PTPRD: variants seen among roughly 807,000 people sequenced by gnomAD.
The protein encoded by PTPRD is receptor-type tyrosine-protein phosphatase delta.
A neutral mutation model predicts 214.5 loss-of-function variants in PTPRD; 34 were observed. The observed-to-expected ratio is 0.16, with a 90% CI of 0.12 to 0.21. The LOEUF (loss-of-function observed/expected upper bound fraction) is 0.21, where lower values mean the gene tolerates loss of function less well. Among genes scored for constraint, PTPRD ranks in the 10% least tolerant of loss-of-function variants. The probability of loss-of-function intolerance (pLI) is 1.00; values close to 1 mark genes in which losing one functional copy is unlikely to be tolerated. For synonymous variants in PTPRD, 1,128 were observed against 845.7 expected (o/e 1.33, Z -5.79); for missense variants, 2,545 against 2,398.7 (o/e 1.06, Z -1.27).
intron 2 of PTPRD, among the ~76,000 whole-genome samples, chr9:10,366,946 G>A (rs114143404): frequency 6.6e-6 from 1 of 152,004 alleles, no homozygotes; most frequent in Non-Finnish European, 1.5e-5. Context: ...GAAGTTTCTT[G>A]GCTTTATTTC....
intron 7 of PTPRD, among the ~76,000 whole-genome samples, chr9:9,623,702 T>A (rs1466299496): frequency 1.3e-5 from 2 of 152,204 alleles, no homozygotes; most frequent in Non-Finnish European, 2.9e-5. Flanking sequence ...CAAATCCAAA[T>A]TCCTGGGTTC....
intron 4 of PTPRD, among the ~76,000 whole-genome samples, chr9:9,977,669 C>T (rs1419381400): frequency 2.0e-5 from 3 of 151,936 alleles, no homozygotes; most frequent in African/African-American, 4.8e-5. Flanking sequence ...TATCAATTCG[C>T]GTTTGATGAT....
chr9:9,968,029 G>C (rs111423301), intron 4 of PTPRD, among the ~76,000 whole-genome samples: 5,276 of 152,204 alleles, frequency 0.035, 307 homozygotes, highest in African/African-American at 0.12. Flanking sequence ...TGATAAAAAT[G>C]TTCTCTCACG....
chr9:9,576,129 TGTG>T (rs748952520), intron 7 of PTPRD, among the ~76,000 whole-genome samples: 3 of 152,174 alleles, frequency 2.0e-5, no homozygotes, highest in African/African-American at 4.8e-5. Context: ...TTTGGGAGAC[TGTG>T]TTTTTCTCAG....
intron 2 of PTPRD, among the ~76,000 whole-genome samples, chr9:10,561,295 AAGCACTT>A (rs1203641603): frequency 6.6e-6 from 1 of 152,188 alleles, no homozygotes. Context: ...AGAAGACCTG[AAGCACTT>A]ATTTAACAAG....
chr9:9,069,465 G>T (rs955941089), intron 10 of PTPRD, among the ~76,000 whole-genome samples: 1 of 152,176 alleles, frequency 6.6e-6, no homozygotes, highest in African/African-American at 2.4e-5. Flanking sequence ...AAAGTGAAAG[G>T]ACTGTAAACT....
At chr9:10,203,169 C>CTCT (rs1394346942) in intron 3 of PTPRD, among the ~76,000 whole-genome samples, 1 of 119,920 alleles carries the variant, frequency 8.3e-6, no homozygotes, top group Admixed American at 8.5e-5. Flanking sequence ...CCCTCTCTCT[C>CTCT]TTTTTTTTTT....
chr9:10,009,497 A>G (rs1288016580), intron 4 of PTPRD, among the ~76,000 whole-genome samples: 3 of 152,012 alleles, frequency 2.0e-5, no homozygotes, highest in Admixed American at 1.3e-4. Flanking sequence ...GTAATTATCT[A>G]TACACCTAGA....
At position 10,477,447 on chromosome 9, in the gene PTPRD, G is replaced by C. The variant is rs143824165; in HGVS notation, c.-600+134951C>G. Among the ~76,000 whole-genome samples the C allele has an allele frequency of 8.8e-3, 1,345 of 152,236 alleles. 22 individuals carry two copies. Among genetic ancestry groups the C allele is most frequent in the African/African-American group, 0.029 (1,189 of 41,548 alleles). On this transcript the variant is annotated intron_variant, in intron 2 of 45. Transcript: ENST00000381196. ...CACAATGAGATACCATCTCAAGCCA[G>C]TTAGAATGGTGATCATTAAAAAGTC...
chr9:8,713,421 T>G, intron 12 of PTPRD: 1 of 1,097,248 alleles, frequency 9.1e-7, no homozygotes, highest in East Asian at 2.4e-5. Context: ...CACCTAATCG[T>G]GTCGTCGCCA....
intron 8 of PTPRD, among the ~76,000 whole-genome samples, chr9:9,408,793 C>T (rs181260195): frequency 7.6e-4 from 116 of 151,842 alleles, no homozygotes; most frequent in Non-Finnish European, 1.4e-3. Context: ...GAACATAAAA[C>T]ATCCCTCATA....
At chr9:9,329,737 C>T (rs2041595329) in intron 9 of PTPRD, among the ~76,000 whole-genome samples, 1 of 152,190 alleles carries the variant, frequency 6.6e-6, no homozygotes, top group Non-Finnish European at 1.5e-5. Flanking sequence ...AGGTTTGGTT[C>T]TTCACAGCTG....
intron 8 of PTPRD, among the ~76,000 whole-genome samples, chr9:9,557,246 A>T (rs1268207731): frequency 6.6e-6 from 1 of 152,166 alleles, no homozygotes; most frequent in Non-Finnish European, 1.5e-5. Context: ...GGGTGTCCAG[A>T]CATACCTAAA....
intron 9 of PTPRD, among the ~76,000 whole-genome samples, chr9:9,330,660 A>G (rs2041968021): frequency 6.6e-6 from 1 of 152,050 alleles, no homozygotes; most frequent in Admixed American, 6.6e-5. Context: ...AATTTTGACA[A>G]AGAGTTAATT....
At chr9:9,588,816 G>C (rs1442560508) in intron 7 of PTPRD, among the ~76,000 whole-genome samples, 2 of 151,818 alleles carry the variant, frequency 1.3e-5, no homozygotes, top group Non-Finnish European at 2.9e-5. Context: ...AGTATAATGA[G>C]GAATTATTAA....
chr9:8,805,587 T>G (rs2096659927), intron 11 of PTPRD, among the ~76,000 whole-genome samples: 1 of 151,786 alleles, frequency 6.6e-6, no homozygotes, highest in African/African-American at 2.4e-5. Flanking sequence ...AGCTTACAAT[T>G]TTTATTTTTT....
intron 2 of PTPRD, among the ~76,000 whole-genome samples, chr9:10,442,023 G>A (rs961857481): frequency 2.0e-5 from 3 of 151,368 alleles, no homozygotes; most frequent in Admixed American, 6.6e-5. Flanking sequence ...TTTAGTATAC[G>A]CTAAATATAA....
chr9:9,665,231 T>C (rs1037732578), intron 7 of PTPRD, among the ~76,000 whole-genome samples: 1 of 151,566 alleles, frequency 6.6e-6, no homozygotes, highest in Non-Finnish European at 1.5e-5. Context: ...AATAAAACCT[T>C]AGAATGGTCC....
Position 9,276,426 on chromosome 9 carries a change from T to C in PTPRD, c.-202-93063A>G, listed in dbSNP as rs114124843. On this transcript the variant is annotated intron_variant, in intron 9 of 45. Coordinates refer to ENST00000381196, the MANE Select transcript of PTPRD (RefSeq NM_002839.4). ...CCGGGGCAAAGGTCAACAGGAACTG[T>C]TTTGGTAATGGGCAAGGTGGTTTTC... Among the ~76,000 whole-genome samples, 770 of 151,388 alleles carry C rather than the reference T, an allele frequency of 5.1e-3. 7 individuals are homozygous for C. Among genetic ancestry groups the C allele is most frequent in the African/African-American group, 0.018 (735 of 41,404 alleles).
Sources: allele counts gnomAD v4.1 joint callset (sites outside exome capture counted in the v4.1 genomes callset), GRCh38; gene constraint gnomAD v4.1.1; transcripts MANE v1.5; gene names NCBI Gene and HGNC (gene_info 2026-07-23, HGNC 2026-07-21).